MTUS2: variants seen among roughly 807,000 people sequenced by gnomAD.
MTUS2 encodes microtubule associated scaffold protein 2, also known as microtubule-associated tumor suppressor candidate 2.
Under a neutral mutation model 114.1 loss-of-function variants are expected in MTUS2, and 40 were observed. That is an observed-to-expected ratio of 0.35 (90% CI 0.27 to 0.46). MTUS2 has a LOEUF of 0.46. MTUS2 is among the 20% of genes least tolerant of loss of function. The pLI is 1.00. For missense variants in MTUS2, 1,679 were observed against 1,705.4 expected (o/e 0.98, Z 0.27); for synonymous variants, 688 against 672.0 (o/e 1.02, Z -0.37).
intron 4 of MTUS2, among the ~76,000 whole-genome samples, chr13:29,058,411 A>T (rs190577878): frequency 1.3e-5 from 2 of 151,802 alleles, no homozygotes; most frequent in Admixed American, 1.3e-4. Flanking sequence ...TTTCAGGGAC[A>T]CCAGTGAGTT....
intron 12 of MTUS2, among the ~76,000 whole-genome samples, chr13:29,497,023 C>T (rs1461461921): frequency 6.6e-6 from 1 of 152,110 alleles, no homozygotes; most frequent in African/African-American, 2.4e-5. Context: ...TGACAAAGCA[C>T]TAAGAAGGAG....
chr13:28,908,491 A>G (rs1593291161), intron 2 of MTUS2, among the ~76,000 whole-genome samples: 2 of 151,610 alleles, frequency 1.3e-5, no homozygotes, highest in African/African-American at 4.9e-5. Context: ...TTATGGCTGC[A>G]TAGTATTCCA....
chr13:28,908,158 T>C (rs1880166200), intron 2 of MTUS2, among the ~76,000 whole-genome samples: 1 of 151,634 alleles, frequency 6.6e-6, no homozygotes, highest in Non-Finnish European at 1.5e-5. Context: ...TTTTTTATTA[T>C]ACTTTAAGTT....
intron 8 of MTUS2, among the ~76,000 whole-genome samples, chr13:29,425,746 G>A (rs981824667): frequency 6.6e-6 from 1 of 152,202 alleles, no homozygotes. Context: ...TGTGCACTGA[G>A]ATCATAGTAC....
intron 5 of MTUS2, among the ~76,000 whole-genome samples, chr13:29,223,106 G>C (rs1895972180): frequency 6.6e-6 from 1 of 152,278 alleles, no homozygotes; most frequent in Admixed American, 6.5e-5. Context: ...GGCAGAAAGG[G>C]GTGGGTCCCT....
chr13:29,098,474 G>A (rs61945852), intron 4 of MTUS2, among the ~76,000 whole-genome samples: 45 of 82,380 alleles, frequency 5.5e-4, no homozygotes, highest in South Asian at 1.3e-3. Context: ...ACACATGTGC[G>A]TGCATGCACA....
At chr13:29,070,980 GTTT>G (rs59683514) in intron 4 of MTUS2, among the ~76,000 whole-genome samples, 2 of 148,008 alleles carry the variant, frequency 1.4e-5, no homozygotes, top group Admixed American at 6.7e-5. Context: ...CTGATTGCTT[GTTT>G]TTTTTTTTGG....
At chr13:29,129,081 T>C (rs774564144) in intron 5 of MTUS2, among the ~76,000 whole-genome samples, 4 of 152,194 alleles carry the variant, frequency 2.6e-5, no homozygotes, top group Non-Finnish European at 4.4e-5. Flanking sequence ...CAAGTGCATT[T>C]CTGTGGAATT....
intron 4 of MTUS2, among the ~76,000 whole-genome samples, chr13:29,048,760 G>A (rs1380348594): frequency 6.6e-6 from 1 of 152,044 alleles, no homozygotes; most frequent in South Asian, 2.1e-4. Flanking sequence ...ACACACCCCT[G>A]CACACAGCTA....
intron 5 of MTUS2, among the ~76,000 whole-genome samples, chr13:29,209,292 C>G (rs1895322460): frequency 6.6e-6 from 1 of 152,104 alleles, no homozygotes; most frequent in African/African-American, 2.4e-5. Flanking sequence ...TTTCCACCCC[C>G]TACCTTAAGT....
intron 5 of MTUS2, among the ~76,000 whole-genome samples, chr13:29,223,519 A>T (rs920182252): frequency 6.6e-6 from 1 of 152,150 alleles, no homozygotes; most frequent in African/African-American, 2.4e-5. Flanking sequence ...AGATGTTGGG[A>T]CAACCTGTCT....
chr13:29,103,282 T>G (rs1890502181), intron 5 of MTUS2, among the ~76,000 whole-genome samples: 1 of 152,088 alleles, frequency 6.6e-6, no homozygotes. Context: ...CATCATAGAG[T>G]GTACTTGCAC....
chr13:29,441,599 G>C (rs952834019), intron 9 of MTUS2, among the ~76,000 whole-genome samples: 3 of 152,040 alleles, frequency 2.0e-5, no homozygotes, highest in Non-Finnish European at 2.9e-5. Context: ...TCAAAGACCC[G>C]TGTTGAGAGT....
chr13:29,435,874 T>G (rs538149014), intron 8 of MTUS2, among the ~76,000 whole-genome samples: 1 of 152,342 alleles, frequency 6.6e-6, no homozygotes, highest in South Asian at 2.1e-4. Context: ...GCCAGCATCT[T>G]CAGCAGCAAC....
At chr13:29,086,698 G>T (rs188155713) in intron 4 of MTUS2, among the ~76,000 whole-genome samples, 1 of 152,134 alleles carries the variant, frequency 6.6e-6, no homozygotes, top group East Asian at 1.9e-4. Flanking sequence ...CATTGAATCT[G>T]TAATTGCTTT....
chr13:29,285,108 A>G (rs1185688480), intron 6 of MTUS2, among the ~76,000 whole-genome samples: 3 of 151,988 alleles, frequency 2.0e-5, no homozygotes, highest in African/African-American at 7.2e-5. Context: ...AAAAAAGGAA[A>G]AACTGAAAGA....
chr13:28,917,473 C>T (rs897663966), intron 2 of MTUS2, among the ~76,000 whole-genome samples: 1 of 151,674 alleles, frequency 6.6e-6, no homozygotes, highest in African/African-American at 2.4e-5. Flanking sequence ...TGGATTTCTT[C>T]ATGGTTAAAT....
intron 5 of MTUS2, among the ~76,000 whole-genome samples, chr13:29,272,694 C>G (rs1852854050): frequency 6.6e-6 from 1 of 152,168 alleles, no homozygotes; most frequent in Non-Finnish European, 1.5e-5. Context: ...ACCTTCCTCC[C>G]CACAGTCCCA....
At chr13:29,325,530 A>AGGG in intron 7 of MTUS2, among the ~76,000 whole-genome samples, 2 of 109,298 alleles carry the variant, frequency 1.8e-5, no homozygotes, top group African/African-American at 3.4e-5. Flanking sequence ...AGGAGGGAGG[A>AGGG]AGGAGAAGAA....
Sources: gnomAD v4.1 joint callset for allele counts (sites outside exome capture counted in the v4.1 genomes callset) on GRCh38, gnomAD v4.1.1 for gene constraint, MANE v1.5 for transcripts, NCBI Gene and HGNC (gene_info 2026-07-23, HGNC 2026-07-21) for gene names.